Variants in SLC4A10 observed in about 807,000 individuals in gnomAD.
SLC4A10 encodes sodium-driven chloride bicarbonate exchanger.
In SLC4A10, 42 loss-of-function variants were observed where a neutral mutation model predicts 137.7. That is an observed-to-expected ratio of 0.30 (90% confidence interval 0.24 to 0.39). The LOEUF (loss-of-function observed/expected upper bound fraction) is 0.39, where lower values mean the gene tolerates loss of function less well. SLC4A10 is among the 10% of genes least tolerant of loss of function. SLC4A10 has a pLI of 1.00. For synonymous variants in SLC4A10, 474 were observed against 464.1 expected (o/e 1.02, Z -0.27); for missense variants, 925 against 1,355.0 (o/e 0.68, Z 4.98).
intron 2 of SLC4A10, among the ~76,000 whole-genome samples, chr2:161,796,307 A>C (rs1464716827): frequency 6.6e-6 from 1 of 152,168 alleles, no homozygotes; most frequent in African/African-American, 2.4e-5. Flanking sequence ...TCAGCTAGTT[A>C]GTTCTTCTAA....
chr2:161,947,771 C>A, intron 17 of SLC4A10, 44 bp downstream of exon 17: 1 of 1,573,566 alleles, frequency 6.4e-7, no homozygotes, highest in Non-Finnish European at 8.6e-7. Context: ...TAACATAGGA[C>A]AAAAGAAAGA....
chr2:161,718,892 T>C (rs1185430828), intron 1 of SLC4A10, among the ~76,000 whole-genome samples: 1 of 152,072 alleles, frequency 6.6e-6, no homozygotes, highest in African/African-American at 2.4e-5. Flanking sequence ...CAGGGTGTTA[T>C]TATCTCCCAC....
chr2:161,764,264 C>T (rs1191458645), intron 1 of SLC4A10, among the ~76,000 whole-genome samples: 1 of 151,898 alleles, frequency 6.6e-6, no homozygotes, highest in Non-Finnish European at 1.5e-5. Context: ...GAAAGTGTTT[C>T]TAGCATGCTA....
intron 15 of SLC4A10, among the ~76,000 whole-genome samples, chr2:161,915,290 C>T (rs529033753): frequency 6.6e-6 from 1 of 152,252 alleles, no homozygotes; most frequent in South Asian, 2.1e-4. Flanking sequence ...GAGCTGCTTT[C>T]ATTGCTCAAT....
At chr2:161,646,912 T>C in intron 1 of SLC4A10, among the ~76,000 whole-genome samples, 1 of 152,016 alleles carries the variant, frequency 6.6e-6, no homozygotes, top group East Asian at 1.9e-4. Flanking sequence ...TCTGAAATTT[T>C]CATTATCTTA....
chr2:161,660,263 C>G (rs78345076), intron 1 of SLC4A10, among the ~76,000 whole-genome samples: 1 of 152,340 alleles, frequency 6.6e-6, no homozygotes, highest in East Asian at 1.9e-4. Flanking sequence ...TAGGCTCTAA[C>G]AACTACTAAG....
At chr2:161,680,075 C>T (rs1331725209) in intron 1 of SLC4A10, among the ~76,000 whole-genome samples, 1 of 151,904 alleles carries the variant, frequency 6.6e-6, no homozygotes, top group Non-Finnish European at 1.5e-5. Flanking sequence ...ATTTCTTTTC[C>T]ATAAAGACCT....
chr2:161,903,679 GGTTGAC>G, intron 12 of SLC4A10, among the ~76,000 whole-genome samples: 1 of 152,122 alleles, frequency 6.6e-6, no homozygotes, highest in Non-Finnish European at 1.5e-5. Flanking sequence ...AGGAGGAGTA[GGTTGAC>G]GTAGAAATGG....
At chr2:161,806,858 G>A (rs1295943053) in intron 3 of SLC4A10, among the ~76,000 whole-genome samples, 1 of 151,928 alleles carries the variant, frequency 6.6e-6, no homozygotes, top group Non-Finnish European at 1.5e-5. Context: ...ACATTTTCAG[G>A]TATCTTTTCA....
At chr2:161,704,903 A>G (rs2043492427) in intron 1 of SLC4A10, among the ~76,000 whole-genome samples, 1 of 151,664 alleles carries the variant, frequency 6.6e-6, no homozygotes, top group Non-Finnish European at 1.5e-5. Flanking sequence ...GACAGGAAAT[A>G]CTAAGATGAA....
intron 8 of SLC4A10, among the ~76,000 whole-genome samples, chr2:161,874,920 T>C (rs1367229698): frequency 6.6e-6 from 1 of 152,198 alleles, no homozygotes; most frequent in African/African-American, 2.4e-5. Context: ...GTAGCAGGTA[T>C]TTAATAAAAG....
intron 3 of SLC4A10, 104 bp from the exon 4 acceptor site, chr2:161,839,685 G>T: frequency 1.0e-5 from 13 of 1,287,940 alleles, no homozygotes; most frequent in Non-Finnish European, 1.3e-5. Flanking sequence ...GTGAGCTTGG[G>T]GTGGTGCGAG....
At chr2:161,685,061 A>T (rs148261808) in intron 1 of SLC4A10, among the ~76,000 whole-genome samples, 10 of 152,172 alleles carry the variant, frequency 6.6e-5, no homozygotes, top group Admixed American at 5.9e-4. Flanking sequence ...ATTGATTTTC[A>T]TGATTTGCAG....
At chr2:161,834,692 C>CACAG (rs2058651217) in intron 3 of SLC4A10, among the ~76,000 whole-genome samples, 1 of 145,864 alleles carries the variant, frequency 6.9e-6, no homozygotes, top group South Asian at 2.2e-4. Flanking sequence ...CACACACACA[C>CACAG]ACACACACAA....
chr2:161,876,496 T>C (rs2061456133), intron 8 of SLC4A10, among the ~76,000 whole-genome samples: 1 of 152,042 alleles, frequency 6.6e-6, no homozygotes, highest in Non-Finnish European at 1.5e-5. Flanking sequence ...CTAGGCAACA[T>C]GGTAAGACCT....
intron 1 of SLC4A10, among the ~76,000 whole-genome samples, chr2:161,660,035 T>C (rs1336382606): frequency 1.4e-5 from 2 of 142,832 alleles, no homozygotes; most frequent in African/African-American, 5.0e-5. Context: ...AAGTCACTGC[T>C]AATAGGCACA....
In SLC4A10 at chr2:161,927,130, C is replaced by T. The variant is rs1689301764; in HGVS notation, c.1998-15662C>T. On this transcript the variant is annotated intron_variant, in intron 15 of 26. Coordinates refer to ENST00000446997, the MANE Select transcript of SLC4A10 (RefSeq NM_001178015.2). ...TGCCTTGCTAGATTGGGGAAGTTCT[C>T]CTGGATAATATCCTGCGGAGTGTTT... Among the ~76,000 whole-genome samples, 6 of 152,198 alleles carry T rather than the reference C, an allele frequency of 3.9e-5. No homozygotes were observed. In the South Asian group the frequency reaches 1.2e-3, roughly 31 times the overall value.
chr2:161,854,895 C>A, intron 4 of SLC4A10, 75 bp from the exon 5 acceptor site: 1 of 1,367,544 alleles, frequency 7.3e-7, no homozygotes, highest in Non-Finnish European at 9.7e-7. Flanking sequence ...TCTATTTCAA[C>A]CTTTTATTTT....
chr2:161,801,613 T>A (rs868840635), intron 2 of SLC4A10, among the ~76,000 whole-genome samples: 2 of 152,062 alleles, frequency 1.3e-5, no homozygotes, highest in Non-Finnish European at 2.9e-5. Context: ...CCTACACTTT[T>A]GACGCTTTCT....
Sources: gnomAD v4.1 joint callset for allele counts (sites outside exome capture counted in the v4.1 genomes callset) on GRCh38, gnomAD v4.1.1 for gene constraint, MANE v1.5 for transcripts, NCBI Gene and HGNC (gene_info 2026-07-23, HGNC 2026-07-21) for gene names.